Variants in COPS3 observed in about 807,000 individuals in gnomAD.
COPS3 encodes COP9 signalosome subunit 3, also known as COP9 signalosome complex subunit 3.
COPS3 carries 10 observed loss-of-function variants against 58.2 expected under a neutral mutation model. The observed-to-expected ratio is 0.17, with a 90% confidence interval of 0.11 to 0.29. COPS3 has a LOEUF of 0.29. Among genes scored for constraint, COPS3 ranks in the 10% least tolerant of loss-of-function variants. The pLI, the probability that COPS3 is intolerant of heterozygous loss-of-function variation, is 1.00. For missense variants in COPS3, 333 were observed against 510.1 expected (o/e 0.65, Z 3.34); for synonymous variants, 187 against 181.7 (o/e 1.03, Z -0.24).
chr17:17,260,168 G>T (rs2048061061), intron 8 of COPS3, 133 bp downstream of exon 8: 1 of 884,640 alleles, frequency 1.1e-6, no homozygotes, highest in East Asian at 2.5e-5. Context: ...TCACAAGAGA[G>T]TTCTCTCTCA....
chr17:17,259,834 C>T (rs1219984503), intron 8 of COPS3, among the ~76,000 whole-genome samples: 1 of 151,200 alleles, frequency 6.6e-6, no homozygotes, highest in Non-Finnish European at 1.5e-5. Flanking sequence ...GCAGAGGGTG[C>T]AATGAGCCGA....
At chr17:17,268,851 A>AAT (rs55839656) in intron 4 of COPS3, among the ~76,000 whole-genome samples, 49 of 149,066 alleles carry the variant, frequency 3.3e-4, no homozygotes, top group Admixed American at 5.4e-4. Flanking sequence ...CAACAACAAA[A>AAT]ATATATATAT....
chr17:17,273,609 G>A (rs2048397501), intron 2 of COPS3, among the ~76,000 whole-genome samples: 1 of 152,142 alleles, frequency 6.6e-6, no homozygotes, highest in Non-Finnish European at 1.5e-5. Flanking sequence ...CCAGGACTTT[G>A]GGAGGCTGAG....
Position 17,260,460 on chromosome 17 carries a change from T to A in COPS3, c.777A>T (p.Ala259=), listed in dbSNP as rs1375818570. 1.3e-5 allele frequency: 21 copies of A among 1,614,018 alleles called. No homozygotes were observed. Among genetic ancestry groups the A allele is most frequent in the Non-Finnish European group, 1.8e-5 (21 of 1,180,012 alleles). The change falls in exon 8 of 12, where the codon GCA becomes GCT. Residue 259 remains alanine (A), a synonymous_variant. Transcript: ENST00000268717. ...VGRFIKPLSN[A]YHELAQVYST... ...AATACACTTGTGCTAACTCGTGGTA[T>A]GCATTGCTAAGAGGCTAAAGATGCA...
At chr17:17,274,107 G>T (rs2048409055) in intron 2 of COPS3, among the ~76,000 whole-genome samples, 1 of 152,140 alleles carries the variant, frequency 6.6e-6, no homozygotes. Context: ...GCATTTTGAA[G>T]GTATAAGGTG....
At chr17:17,253,598 G>A (rs1387844962) in intron 9 of COPS3, among the ~76,000 whole-genome samples, 2 of 152,088 alleles carry the variant, frequency 1.3e-5, no homozygotes, top group African/African-American at 2.4e-5. Context: ...GCTGCTTATG[G>A]ACCAAAACCC....
intron 1 of COPS3, chr17:17,280,720 G>A: frequency 1.6e-6 from 2 of 1,252,900 alleles, no homozygotes; most frequent in Non-Finnish European, 2.1e-6. Flanking sequence ...GCTCCCGGCG[G>A]CCTAGTCAGC....
intron 1 of COPS3, chr17:17,280,803 A>T: frequency 7.9e-7 from 1 of 1,264,878 alleles, no homozygotes; most frequent in Non-Finnish European, 1.0e-6. Context: ...AGAAGGAACC[A>T]ATAGTCGCCC....
rs758091601 is a variant in COPS3 at position 17,262,056 on chromosome 17, A to G, written c.672T>C (p.Tyr224=). The G allele has an allele frequency of 1.2e-6, 2 of 1,611,794 alleles. No individual in the cohort carries two copies. Among genetic ancestry groups the G allele is most frequent in the South Asian group, 1.1e-5 (1 of 90,774 alleles). Residue 224 remains tyrosine (Y), a synonymous_variant, in exon 7 of 12, where the codon TAT becomes TAC. Coordinates refer to ENST00000268717, the MANE Select transcript of COPS3 (RefSeq NM_003653.4). The part of the protein sequence containing the change: ...MAVSHIMLES[Y]KKYILVSLIL... ...TCAAAGACACTAAAATATACTTTTT[A>G]TATGATTCCAACATGATATGACTGA... is the stretch of plus-strand genomic sequence containing the variant.
At chr17:17,263,639 G>C (rs1301848317) in intron 6 of COPS3, among the ~76,000 whole-genome samples, 1 of 150,304 alleles carries the variant, frequency 6.7e-6, no homozygotes, top group African/African-American at 2.4e-5. Flanking sequence ...TCAGCCTCCT[G>C]AGTAGCTAGG....
intron 8 of COPS3, among the ~76,000 whole-genome samples, chr17:17,257,228 G>C (rs2047995225): frequency 6.6e-6 from 1 of 152,046 alleles, no homozygotes; most frequent in South Asian, 2.1e-4. Flanking sequence ...GCCAGGTGTG[G>C]TGGTGTGCAC....
intron 9 of COPS3, among the ~76,000 whole-genome samples, chr17:17,253,223 CTCAA>C (rs960422314): frequency 7.9e-5 from 12 of 152,032 alleles, no homozygotes; most frequent in East Asian, 3.9e-4. Context: ...AAGACCTTGT[CTCAA>C]TCAATCAATC....
intron 8 of COPS3, among the ~76,000 whole-genome samples, chr17:17,259,727 A>C (rs1051243149): frequency 5.3e-4 from 81 of 151,978 alleles, no homozygotes; most frequent in Non-Finnish European, 4.4e-5. Flanking sequence ...AACCTTGTCT[A>C]TACAAAAAAT....
At chr17:17,247,216 A>G in intron 11 of COPS3, 65 bp from the exon 12 acceptor site, 1 of 1,474,076 alleles carries the variant, frequency 6.8e-7, no homozygotes. Context: ...CGGCAGCCCA[A>G]TAAGCACACC....
At chr17:17,277,243 C>G (rs1366391534) in intron 1 of COPS3, among the ~76,000 whole-genome samples, 1 of 152,134 alleles carries the variant, frequency 6.6e-6, no homozygotes, top group African/African-American at 2.4e-5. Flanking sequence ...GGGTATCTGC[C>G]CTCTCTGCCT....
At chr17:17,272,194 G>A (rs2048367840) in intron 2 of COPS3, among the ~76,000 whole-genome samples, 1 of 152,010 alleles carries the variant, frequency 6.6e-6, no homozygotes, top group African/African-American at 2.4e-5. Context: ...AGGCCAAGGC[G>A]GGTGGATCAC....
At chr17:17,250,706 T>G (rs1390633324) in intron 9 of COPS3, among the ~76,000 whole-genome samples, 3 of 152,248 alleles carry the variant, frequency 2.0e-5, no homozygotes, top group Non-Finnish European at 4.4e-5. Flanking sequence ...ACAGGTATTT[T>G]ATTCCTAACA....
At chr17:17,249,666 A>AT (rs1173357348) in intron 9 of COPS3, among the ~76,000 whole-genome samples, 3 of 152,014 alleles carry the variant, frequency 2.0e-5, no homozygotes, top group Non-Finnish European at 4.4e-5. Context: ...CTAATTTTGT[A>AT]TTTTTAGTAG....
At chr17:17,264,497 C>A (rs2048178172) in intron 6 of COPS3, among the ~76,000 whole-genome samples, 1 of 152,184 alleles carries the variant, frequency 6.6e-6, no homozygotes, top group Admixed American at 6.6e-5. Context: ...AGTTCAATCT[C>A]TTCCTTATAT....
Sources: allele counts gnomAD v4.1 joint callset (sites outside exome capture counted in the v4.1 genomes callset), GRCh38; gene constraint gnomAD v4.1.1; transcripts MANE v1.5; gene names NCBI Gene and HGNC (gene_info 2026-07-23, HGNC 2026-07-21).